Variants in SLF2 observed in about 807,000 individuals in gnomAD.
The protein encoded by SLF2 is SMC5/6 complex localization factor 2.
In SLF2, 68 loss-of-function variants were observed where a neutral mutation model predicts 124.3. The observed-to-expected ratio is 0.55, with a 90% CI of 0.45 to 0.67. SLF2 has a LOEUF of 0.67. SLF2 is among the 30% of genes least tolerant of loss of function. The probability of loss-of-function intolerance (pLI) is 0.00; values close to 1 mark genes in which losing one functional copy is unlikely to be tolerated. For synonymous variants in SLF2, 480 were observed against 478.8 expected, an observed-to-expected ratio of 1.00 and a Z score of -0.03; for missense variants, 1,246 against 1,373.7, an observed-to-expected ratio of 0.91 and a Z score of 1.47.
chr10:100,931,802 GC>G, intron 9 of SLF2, among the ~76,000 whole-genome samples: 1 of 152,186 alleles, frequency 6.6e-6, no homozygotes, highest in African/African-American at 2.4e-5. Flanking sequence ...GATCAGCCTA[GC>G]CAACATGGTG....
At chr10:100,956,214 G>A (rs1248475494) in intron 17 of SLF2, among the ~76,000 whole-genome samples, 1 of 151,982 alleles carries the variant, frequency 6.6e-6, no homozygotes, top group Non-Finnish European at 1.5e-5. Context: ...TCATTAATGC[G>A]AGTTAATGCA....
intron 1 of SLF2, among the ~76,000 whole-genome samples, chr10:100,914,355 T>C (rs911902867): frequency 6.6e-6 from 1 of 151,942 alleles, no homozygotes; most frequent in African/African-American, 2.4e-5. Flanking sequence ...GGACATTTTG[T>C]GTGCATATGA....
At position 100,960,998 on chromosome 10, in the gene SLF2, CTTTTTTTTTTTTTTTT is replaced by C. The variant is rs59983480; in HGVS notation, c.3487-865_3487-850del. Among the ~76,000 whole-genome samples, 15 of 61,408 alleles carry C rather than the reference CTTTTTTTTTTTTTTTT, an allele frequency of 2.4e-4. 1 individual carries two copies. The South Asian group carries it at 5.3e-3, about 22-fold the overall frequency. 40.3% of individuals were successfully genotyped at this position (61,408 alleles called of 152,430 possible). A position where few individuals can be genotyped will look rare whatever the true frequency, so the allele number is the denominator to read the frequency against. The stretch of plus-strand genomic sequence containing the variant: ...GTGAGAACTGAGATATTCTGTACTT[CTTTTTTTTTTTTTTTT>C]TTTTTTTTTTTTTGAGACGGAGTCT... On this transcript the variant is annotated intron_variant, in intron 19 of 19. Coordinates refer to ENST00000238961, the MANE Select transcript of SLF2 (RefSeq NM_018121.4).
chr10:100,942,501 T>G (rs573277466), intron 11 of SLF2, among the ~76,000 whole-genome samples: 1 of 152,256 alleles, frequency 6.6e-6, no homozygotes, highest in Non-Finnish European at 1.5e-5. Flanking sequence ...CCATCATTTT[T>G]TTTTCTTTCT....
At chr10:100,959,215 T>C (rs1204092509) in intron 18 of SLF2, among the ~76,000 whole-genome samples, 5 of 152,226 alleles carry the variant, frequency 3.3e-5, no homozygotes, top group Admixed American at 6.5e-5. Context: ...TTCAATAGTT[T>C]AGATTATGAT....
chr10:100,932,720 T>C (rs11190759), intron 9 of SLF2, among the ~76,000 whole-genome samples: 2,890 of 36,098 alleles, frequency 0.08, 69 homozygotes, highest in African/African-American at 0.22. Context: ...TGTGTGTGTG[T>C]GCGCGCGCGC....
chr10:100,955,738 C>T (rs1428573649), intron 17 of SLF2, among the ~76,000 whole-genome samples: 1 of 152,054 alleles, frequency 6.6e-6, no homozygotes, highest in Admixed American at 6.6e-5. Context: ...CAAAACCTGT[C>T]TCTACTAAAA....
At position 100,918,446 on chromosome 10, in the gene SLF2, A is replaced by T. The variant is rs1379679349; in HGVS notation, c.973+5A>T. 6.4e-7 allele frequency: 1 copy of T among 1,553,566 alleles called. No homozygotes were observed. Among genetic ancestry groups the T allele is most frequent in the Admixed American group, 2.0e-5 (1 of 50,424 alleles). Reference sequence around the variant, plus strand: ...ATTCATGGGAACCTACTTCAGGTAGAATCAAAATTAAATTTATGGATTTCT... The same window carrying T: ...ATTCATGGGAACCTACTTCAGGTAGTATCAAAATTAAATTTATGGATTTCT... On this transcript the variant is annotated splice_donor_5th_base_variant and intron_variant, in intron 4 of 19. Transcript: ENST00000238961.
chr10:100,929,299 A>G lies in SLF2; in HGVS notation c.2043-18A>G. ...TATTTTTAGAGTAAACTGTTATAACATTCTTTCCAATTCTCAGGCTAGATG... is the reference window on the plus strand; with the variant it reads ...TATTTTTAGAGTAAACTGTTATAACGTTCTTTCCAATTCTCAGGCTAGATG... On this transcript the variant is annotated intron_variant, in intron 6 of 19. Transcript: ENST00000238961. 6.3e-7 allele frequency: 1 copy of G among 1,596,610 alleles called. No individual in the cohort carries two copies. The highest frequency in any genetic ancestry group is 8.5e-7 in the Non-Finnish European group (1 of 1,173,286).
intron 1 of SLF2, chr10:100,913,488 A>ATG: frequency 7.9e-7 from 1 of 1,270,794 alleles, no homozygotes. Flanking sequence ...ACAGCTACGG[A>ATG]GAACCCGCCT....
chr10:100,913,544 G>T, intron 1 of SLF2: 1 of 1,239,662 alleles, frequency 8.1e-7, no homozygotes, highest in Non-Finnish European at 1.0e-6. Context: ...AGTTTGACCC[G>T]GGACCCTAAC....
rs1381630134 is a variant in SLF2, at chr10:100,964,575, T to G, written c.*2663T>G. On this transcript the variant is annotated 3_prime_UTR_variant, in exon 20 of 20. Coordinates refer to ENST00000238961, the MANE Select transcript of SLF2 (RefSeq NM_018121.4). ...CCTTTTGGAAGGTTTGCATTTTGTT[T>G]CTGCTTTCAAGCGCAAATAGTAGCT... The G allele has an allele frequency of 1.3e-5, 2 of 152,672 alleles. No homozygotes were observed. The highest frequency in any genetic ancestry group is 2.4e-5 in the African/African-American group (1 of 41,458). 9.5% of individuals were successfully genotyped at this position (152,672 alleles called of 1,614,324 possible). A position where few individuals can be genotyped will look rare whatever the true frequency, so the allele number is the denominator to read the frequency against.
intron 9 of SLF2, among the ~76,000 whole-genome samples, chr10:100,932,813 C>T (rs1010162861): frequency 6.6e-5 from 10 of 151,904 alleles, no homozygotes; most frequent in South Asian, 6.2e-4. Context: ...CAGAGAGTAC[C>T]GGGGTGAGAG....
chr10:100,918,290 A>G (rs1217986269), intron 3 of SLF2, 94 bp from the exon 4 acceptor site: 19 of 715,614 alleles, frequency 2.7e-5, no homozygotes, highest in Non-Finnish European at 4.1e-5. Flanking sequence ...TGCCTTATTC[A>G]ATCTAGAAAT....
At position 100,931,047 on chromosome 10, in the gene SLF2, G is replaced by C; in HGVS notation, c.2405G>C (p.Cys802Ser). 1 of 1,613,884 alleles carries C rather than the reference G, an allele frequency of 6.2e-7. No individual in the cohort carries two copies. Among genetic ancestry groups the C allele is most frequent in the Non-Finnish European group, 8.5e-7 (1 of 1,179,894 alleles). Residue 802 changes from cysteine to serine, a missense_variant, in exon 9 of 20, where the codon TGT becomes TCT. By Grantham distance (112) the Cys-to-Ser change is moderately radical (BLOSUM62 -1). Transcript: ENST00000238961. The stretch of plus-strand genomic sequence containing the variant: ...ACGTCTGCTTATCACTATGTCCAGT[G>C]TCCTGTCCCTGTGTTAAAGTGGCTG... ...FLTSAYHYVQCPVPVLKWLFR... is the reference protein window; with the variant it reads ...FLTSAYHYVQSPVPVLKWLFR...
chr10:100,952,548 A>AG (rs1186948605), intron 17 of SLF2, among the ~76,000 whole-genome samples: 2 of 145,964 alleles, frequency 1.4e-5, no homozygotes, highest in African/African-American at 5.1e-5. Context: ...CTCCACCTCA[A>AG]AAAAAAAAAA....
chr10:100,922,799 G>T (rs747508702), intron 4 of SLF2, among the ~76,000 whole-genome samples: 2 of 146,846 alleles, frequency 1.4e-5, no homozygotes, highest in East Asian at 4.1e-4. Flanking sequence ...TTTTTGAAAC[G>T]GAGTCTTGCT....
In SLF2 at chr10:100,944,271, A is replaced by G. The variant is rs545624887; in HGVS notation, c.2757+143A>G. On this transcript the variant is annotated intron_variant, in intron 12 of 19. Coordinates refer to ENST00000238961, the MANE Select transcript of SLF2 (RefSeq NM_018121.4). ...AGCACTTTGGGAGGCCAGGGCGGGCAGATCACAAGGTCAGGAGATCGAGAC... is the reference window on the plus strand; with the variant it reads ...AGCACTTTGGGAGGCCAGGGCGGGCGGATCACAAGGTCAGGAGATCGAGAC... 38 of 500,406 alleles carry G rather than the reference A, an allele frequency of 7.6e-5. No homozygotes were observed. The Middle Eastern group carries it at 1.6e-3, about 22-fold the overall frequency. 31.0% of individuals were successfully genotyped at this position (500,406 alleles called of 1,614,324 possible).
chr10:100,952,611 AT>A (rs1850240117), intron 17 of SLF2, among the ~76,000 whole-genome samples: 1 of 151,904 alleles, frequency 6.6e-6, no homozygotes, highest in Non-Finnish European at 1.5e-5. Context: ...CACAAGACTA[AT>A]TCTTATGTTT....
Sources: gnomAD v4.1 joint callset for allele counts (sites outside exome capture counted in the v4.1 genomes callset) on GRCh38, gnomAD v4.1.1 for gene constraint, MANE v1.5 for transcripts, NCBI Gene and HGNC (gene_info 2026-07-23, HGNC 2026-07-21) for gene names.